Variants in FRMD4A observed in about 807,000 individuals in gnomAD.
The protein encoded by FRMD4A is FERM domain containing 4A.
FRMD4A carries 29 observed loss-of-function variants against 129.1 expected under a neutral mutation model. That is an observed-to-expected ratio of 0.22 (90% confidence interval 0.17 to 0.31). FRMD4A has a LOEUF of 0.31. Among genes scored for constraint, FRMD4A ranks in the 10% least tolerant of loss-of-function variants. The probability of loss-of-function intolerance (pLI) is 1.00; values close to 1 mark genes in which losing one functional copy is unlikely to be tolerated. For synonymous variants in FRMD4A, 634 were observed against 571.6 expected (o/e 1.11, Z -1.56); for missense variants, 1,272 against 1,375.8 (o/e 0.92, Z 1.19).
intron 2 of FRMD4A, among the ~76,000 whole-genome samples, chr10:14,303,179 G>T (rs1012639252): frequency 6.6e-6 from 1 of 152,158 alleles, no homozygotes; most frequent in African/African-American, 2.4e-5. Flanking sequence ...GCAATTTTTA[G>T]AAAGCCTCCT....
chr10:13,837,022 G>A (rs1478456749), intron 3 of FRMD4A, among the ~76,000 whole-genome samples: 1 of 152,026 alleles, frequency 6.6e-6, no homozygotes, highest in African/African-American at 2.4e-5. Flanking sequence ...CTCTCAAAGT[G>A]CTGGGATTAC....
chr10:14,192,372 G>A (rs1479323955), intron 2 of FRMD4A, among the ~76,000 whole-genome samples: 2 of 152,204 alleles, frequency 1.3e-5, no homozygotes, highest in Admixed American at 1.3e-4. Flanking sequence ...TAGAGTAACA[G>A]CTCTTATAAC....
At chr10:13,884,294 CTTG>C (rs1208402591) in intron 2 of FRMD4A, among the ~76,000 whole-genome samples, 2 of 151,606 alleles carry the variant, frequency 1.3e-5, no homozygotes, top group East Asian at 3.9e-4. Flanking sequence ...CTGCCATTAA[CTTG>C]TTGCATTAAT....
intron 14 of FRMD4A, among the ~76,000 whole-genome samples, chr10:13,697,960 A>G (rs751108764): frequency 3.3e-5 from 5 of 152,144 alleles, no homozygotes; most frequent in African/African-American, 7.2e-5. Context: ...AGAAGTTACC[A>G]ATTATAATTG....
At chr10:13,898,410 G>A (rs1402954114) in intron 2 of FRMD4A, among the ~76,000 whole-genome samples, 1 of 152,126 alleles carries the variant, frequency 6.6e-6, no homozygotes, top group Non-Finnish European at 1.5e-5. Context: ...CCACTTCCCT[G>A]TTTAGAGGTC....
At chr10:13,933,700 T>C (rs915987958) in intron 2 of FRMD4A, among the ~76,000 whole-genome samples, 34 of 152,210 alleles carry the variant, frequency 2.2e-4, no homozygotes, top group Non-Finnish European at 7.3e-5. Flanking sequence ...AGAAGTTTTG[T>C]TGTTTTTGTT....
intron 2 of FRMD4A, among the ~76,000 whole-genome samples, chr10:13,947,987 A>G (rs1366495130): frequency 4.6e-5 from 7 of 152,066 alleles, no homozygotes; most frequent in Admixed American, 2.6e-4. Context: ...GCTTGAGGCC[A>G]GGGATTCAAG....
chr10:13,683,560 G>A (rs1263648018), intron 15 of FRMD4A, among the ~76,000 whole-genome samples: 1 of 152,016 alleles, frequency 6.6e-6, no homozygotes, highest in Non-Finnish European at 1.5e-5. Flanking sequence ...TCACACCACT[G>A]CGCTCCAGCC....
chr10:13,687,431 C>T (rs1252148859), intron 15 of FRMD4A, among the ~76,000 whole-genome samples: 1 of 152,084 alleles, frequency 6.6e-6, no homozygotes, highest in Non-Finnish European at 1.5e-5. Flanking sequence ...TACAAAGATA[C>T]ACCCAGTTAT....
intron 2 of FRMD4A, chr10:14,082,846 C>T (rs1836008685): frequency 6.6e-6 from 1 of 152,198 alleles, no homozygotes; most frequent in African/African-American, 2.4e-5. Flanking sequence ...TGACAAAGAT[C>T]TGAGCAAATA....
intron 2 of FRMD4A, among the ~76,000 whole-genome samples, chr10:14,016,136 A>T (rs942257581): frequency 2.0e-5 from 3 of 152,244 alleles, no homozygotes; most frequent in African/African-American, 7.2e-5. Context: ...CTGCATGTGA[A>T]AATGTCATCA....
intron 2 of FRMD4A, among the ~76,000 whole-genome samples, chr10:14,134,948 A>C (rs1839459558): frequency 6.6e-6 from 1 of 152,224 alleles, no homozygotes; most frequent in Non-Finnish European, 1.5e-5. Flanking sequence ...CATCAGAATA[A>C]AATGCCCTTC....
At chr10:13,956,142 C>CT (rs1362464845) in intron 2 of FRMD4A, among the ~76,000 whole-genome samples, 2 of 151,942 alleles carry the variant, frequency 1.3e-5, no homozygotes, top group South Asian at 4.2e-4. Flanking sequence ...AGGTAGAATT[C>CT]TTTTTTTTCT....
chr10:13,795,708 G>A (rs991138075), intron 5 of FRMD4A, among the ~76,000 whole-genome samples: 2 of 152,150 alleles, frequency 1.3e-5, no homozygotes. Flanking sequence ...GAAAGAACCT[G>A]GTGCCTCCAT....
intron 2 of FRMD4A, chr10:14,097,092 A>G (rs754927252): frequency 7.0e-6 from 1 of 143,660 alleles, no homozygotes; most frequent in Non-Finnish European, 1.5e-5. Flanking sequence ...CAGTGATCCA[A>G]GATGGCACCA....
intron 2 of FRMD4A, among the ~76,000 whole-genome samples, chr10:14,027,074 C>T (rs552309334): frequency 6.6e-6 from 1 of 152,310 alleles, no homozygotes; most frequent in South Asian, 2.1e-4. Context: ...GTCTCCATCC[C>T]CTCAAGCATT....
chr10:14,225,799 T>C (rs2131979469), intron 2 of FRMD4A, among the ~76,000 whole-genome samples: 1 of 152,374 alleles, frequency 6.6e-6, no homozygotes, highest in East Asian at 1.9e-4. Flanking sequence ...CTGTTCTACC[T>C]GCCAGTTCGA....
intron 2 of FRMD4A, among the ~76,000 whole-genome samples, chr10:13,886,731 G>A (rs923741267): frequency 2.0e-5 from 3 of 152,212 alleles, no homozygotes; most frequent in Admixed American, 1.3e-4. Flanking sequence ...ACAGGCACAC[G>A]CCACCATGCT....
rs562431873 is a variant in FRMD4A, at chr10:13,674,746, C to T, written c.1251+165G>A. ...TTCCAACATTTGTGTTTCAGGAGAGCGCTCGCCGCCCAGATAGGCCCTCTT... is the reference window on the plus strand; with the variant it reads ...TTCCAACATTTGTGTTTCAGGAGAGTGCTCGCCGCCCAGATAGGCCCTCTT... On this transcript the variant is annotated intron_variant, in intron 16 of 24. Coordinates refer to ENST00000357447, the MANE Select transcript of FRMD4A (RefSeq NM_018027.5). Among the ~76,000 whole-genome samples the T allele has an allele frequency of 2.6e-5, 4 of 152,300 alleles. 1 individual carries two copies. In the East Asian group the frequency reaches 5.8e-4, roughly 22 times the overall value.
Sources: gnomAD v4.1 joint callset for allele counts (sites outside exome capture counted in the v4.1 genomes callset) on GRCh38, gnomAD v4.1.1 for gene constraint, MANE v1.5 for transcripts, NCBI Gene and HGNC (gene_info 2026-07-23, HGNC 2026-07-21) for gene names.